SYNE2: variants seen among roughly 807,000 people sequenced by gnomAD.
SYNE2 encodes the protein spectrin repeat containing nuclear envelope protein 2.
Under a neutral mutation model 856.3 loss-of-function variants are expected in SYNE2, and 431 were observed. The observed-to-expected ratio is 0.50, with a 90% confidence interval of 0.47 to 0.55. The LOEUF (loss-of-function observed/expected upper bound fraction) is 0.55. SYNE2 is among the 20% of genes least tolerant of loss of function. The pLI is 0.00. For synonymous variants in SYNE2, 2,923 were observed against 2,872.3 expected, an observed-to-expected ratio of 1.02 and a Z score of -0.56; for missense variants, 8,129 against 8,023.2, an observed-to-expected ratio of 1.01 and a Z score of -0.50.
intron 78 of SYNE2, 101 bp from the exon 79 acceptor site, chr14:64,137,686 T>A (rs2098106110): frequency 4.2e-6 from 5 of 1,203,502 alleles, no homozygotes. Flanking sequence ...GTTACTGTTT[T>A]ATCAGTGGAC....
chr14:64,191,976 G>A (rs1204612557), intron 99 of SYNE2, among the ~76,000 whole-genome samples: 1 of 152,200 alleles, frequency 6.6e-6, no homozygotes, highest in Non-Finnish European at 1.5e-5. Flanking sequence ...TCTGCTGTGA[G>A]GATATGTGTC....
rs34440267 is a variant in SYNE2 at position 63,976,540 on chromosome 14, C to CT, written c.1129-4dup. Reference sequence around the variant, plus strand: ...GAAAAGTTCTACTGAAGAATATGTTCTTTTTTTTTTTTTTTTTTTCAGATT... The same window carrying CT: ...GAAAAGTTCTACTGAAGAATATGTTCTTTTTTTTTTTTTTTTTTTTCAGATT... On this transcript the variant is annotated intron_variant, in intron 11 of 115. Transcript: ENST00000555002. 0.078 allele frequency: 104,155 copies of CT among 1,341,932 alleles called. 266 individuals carry two copies. Among genetic ancestry groups the CT allele is most frequent in the South Asian group, 0.13 (9,894 of 75,320 alleles). The allele number at this position is 1,341,932 out of a possible 1,614,324, so 83.1% of individuals were successfully genotyped here.
chr14:64,017,727 T>C lies in SYNE2; in HGVS notation c.5020T>C (p.Leu1674=), dbSNP rs201666704. ...KALQKMELHQ[L]TEEDRERLKE... is the part of the protein sequence containing the mutation. Reference sequence around the variant, plus strand: ...CCTTCAAAAAATGGAATTACATCAATTGACTGAAGAGGACAGAGAAAGGCT... The same window carrying C: ...CCTTCAAAAAATGGAATTACATCAACTGACTGAAGAGGACAGAGAAAGGCT... The change falls in exon 34 of 116, where the codon TTG becomes CTG. Residue 1674 remains leucine, a synonymous_variant. Transcript: ENST00000555002. The C allele has an allele frequency of 1.8e-4, 290 of 1,613,742 alleles. 2 individuals are homozygous for C. The South Asian group carries it at 1.9e-3, about 11-fold the overall frequency.
At chr14:63,876,480 A>G (rs2094720853) in intron 1 of SYNE2, among the ~76,000 whole-genome samples, 1 of 141,404 alleles carries the variant, frequency 7.1e-6, no homozygotes. Context: ...AACAAGCAAC[A>G]AGCAAATATG....
In SYNE2 at chr14:64,009,535, CAAAAAAAAAA is replaced by C. The variant is rs67434536; in HGVS notation, c.4578-416_4578-407del. On this transcript the variant is annotated intron_variant, in intron 31 of 115. Coordinates refer to ENST00000555002, the MANE Select transcript of SYNE2 (RefSeq NM_182914.3). ...TGGGTGACAGAGCTAGACTCTGTCT[CAAAAAAAAAA>C]AAAAAAAAAAAAAAGAGAATAGATA... is the stretch of plus-strand genomic sequence containing the variant. Among the ~76,000 whole-genome samples, 23 of 77,440 alleles carry C rather than the reference CAAAAAAAAAA, an allele frequency of 3.0e-4. 1 individual carries two copies. In the Admixed American group the frequency reaches 3.3e-3, roughly 11 times the overall value. 50.8% of individuals were successfully genotyped at this position (77,440 alleles called of 152,430 possible).
chr14:64,217,658 G>A (rs938008044), intron 108 of SYNE2, among the ~76,000 whole-genome samples: 5 of 152,114 alleles, frequency 3.3e-5, no homozygotes, highest in African/African-American at 1.2e-4. Flanking sequence ...CTGTGATGAC[G>A]CCTGTGTTCC....
intron 77 of SYNE2, among the ~76,000 whole-genome samples, chr14:64,132,639 G>T (rs2098034274): frequency 6.6e-6 from 1 of 152,170 alleles, no homozygotes; most frequent in Non-Finnish European, 1.5e-5. Flanking sequence ...TACATAGATT[G>T]GGGATGGTAC....
chr14:63,967,113 C>T (rs2096404257), intron 10 of SYNE2, among the ~76,000 whole-genome samples: 1 of 152,148 alleles, frequency 6.6e-6, no homozygotes, highest in Non-Finnish European at 1.5e-5. Context: ...ATCCACCCAC[C>T]TCTGCCTCCC....
intron 11 of SYNE2, among the ~76,000 whole-genome samples, chr14:63,976,296 T>C (rs1031475293): frequency 1.9e-4 from 29 of 152,212 alleles, no homozygotes; most frequent in African/African-American, 7.0e-4. Context: ...CTCCATATCT[T>C]ATTGTGGATT....
Position 63,996,988 on chromosome 14 carries a change from C to A in SYNE2, c.2982C>A (p.His994Gln), listed in dbSNP as rs1278857159. The A allele has an allele frequency of 6.2e-7, 1 of 1,614,000 alleles. No homozygotes were observed. Among genetic ancestry groups the A allele is most frequent in the East Asian group, 2.2e-5 (1 of 44,902 alleles). ...AAGGCTGCCTGTACCAGCTTAATCA[C>A]CACATGGAAGTCCTGAGGGAGCTGT... The part of the protein sequence containing the change: ...SEEGCLYQLN[H>Q]HMEVLRELCE... The change falls in exon 24 of 116, where the codon CAC becomes CAA. Residue 994 changes from histidine (H) to glutamine (Q), a missense_variant. His to Gln is a conservative substitution (Grantham distance 24). This residue lies in a region of SYNE2 where 2,422 missense variants were observed against 2,357.4 expected (regional missense o/e 1.03). Transcript: ENST00000555002.
chr14:64,072,721 G>A (rs777172931), intron 52 of SYNE2, among the ~76,000 whole-genome samples: 37 of 152,098 alleles, frequency 2.4e-4, no homozygotes, highest in Admixed American at 1.6e-3. Context: ...GGGTGGTCTC[G>A]AACGCCTGAC....
At chr14:64,191,494 A>G (rs1429808196) in intron 99 of SYNE2, among the ~76,000 whole-genome samples, 7 of 152,184 alleles carry the variant, frequency 4.6e-5, no homozygotes, top group Non-Finnish European at 1.0e-4. Flanking sequence ...AGACACATAC[A>G]TTGAGAGCAA....
At chr14:64,114,734 C>T (rs1046560685) in intron 66 of SYNE2, among the ~76,000 whole-genome samples, 2 of 151,980 alleles carry the variant, frequency 1.3e-5, no homozygotes, top group African/African-American at 4.8e-5. Flanking sequence ...CCTCCCACCT[C>T]AGCTTCCTGG....
Position 64,225,712 on chromosome 14 carries a change from G to A in SYNE2, c.*186G>A. The A allele has an allele frequency of 2.9e-6, 2 of 679,734 alleles. No homozygotes were observed. Among genetic ancestry groups the A allele is most frequent in the South Asian group, 3.4e-5 (2 of 59,124 alleles). 42.1% of individuals were successfully genotyped at this position (679,734 alleles called of 1,614,324 possible). Reference sequence around the variant, plus strand: ...AGCTTTCAGATTGTGTTCCTCCCCAGGAGCAGGGAACCTGTGTGGCAGGTG... The same window carrying A: ...AGCTTTCAGATTGTGTTCCTCCCCAAGAGCAGGGAACCTGTGTGGCAGGTG... On this transcript the variant is annotated 3_prime_UTR_variant, in exon 116 of 116. Coordinates refer to ENST00000555002, the MANE Select transcript of SYNE2 (RefSeq NM_182914.3).
rs1385867519 is a variant in SYNE2, at chr14:64,146,104, G to C, written c.15520G>C (p.Glu5174Gln). The change falls in exon 84 of 116, where the codon GAG becomes CAG. Residue 5174 changes from glutamate to glutamine, a missense_variant. Transcript: ENST00000555002. ...HLEQLLESIT[E>Q]SENKIQILNN... ...AGAACAACTTCTAGAAAGTATCACTGAGAGTGAAAATAAAATACAGATCTT... is the reference window on the plus strand; with the variant it reads ...AGAACAACTTCTAGAAAGTATCACTCAGAGTGAAAATAAAATACAGATCTT... 2 of 1,596,750 alleles carry C rather than the reference G, an allele frequency of 1.3e-6. No homozygotes were observed. The highest frequency in any genetic ancestry group is 1.7e-5 in the Admixed American group (1 of 58,514).
intron 100 of SYNE2, 99 bp downstream of exon 100, chr14:64,203,062 A>G: frequency 6.9e-6 from 10 of 1,455,806 alleles, no homozygotes; most frequent in Non-Finnish European, 9.4e-6. Context: ...ACGTGCTCAC[A>G]TTCCATAACA....
In SYNE2 at chr14:64,121,187, C is replaced by T. The variant is rs146761235; in HGVS notation, c.13158+126C>T. 1,843 of 1,328,234 alleles carry T rather than the reference C, an allele frequency of 1.4e-3. 16 individuals are homozygous for T. In the African/African-American group the frequency reaches 0.02, roughly 14 times the overall value. The allele number at this position is 1,328,234 out of a possible 1,614,324, so 82.3% of individuals were successfully genotyped here. ...GGAGGATCACCTGTGGCCAGGTGTT[C>T]GAGGCCAGCCTGGGCAACATAGCGA... On this transcript the variant is annotated intron_variant, in intron 68 of 115. Coordinates refer to ENST00000555002, the MANE Select transcript of SYNE2 (RefSeq NM_182914.3).
intron 19 of SYNE2, among the ~76,000 whole-genome samples, chr14:63,989,971 A>G (rs2096654912): frequency 6.6e-6 from 1 of 152,068 alleles, no homozygotes; most frequent in Non-Finnish European, 1.5e-5. Context: ...TTTATGGATA[A>G]TGTCTTCTTT....
chr14:63,837,918 CAAAAAAAAAAA>C (rs34952817), intron 1 of SYNE2, among the ~76,000 whole-genome samples: 36 of 62,194 alleles, frequency 5.8e-4, no homozygotes, highest in Admixed American at 1.2e-3. Flanking sequence ...GACTCTGTTT[CAAAAAAAAAAA>C]AAAAAAAAAA....
Sources: gnomAD v4.1 joint callset for allele counts (sites outside exome capture counted in the v4.1 genomes callset) on GRCh38, gnomAD v4.1.1 for gene constraint, gnomAD v4.1.1 regional missense constraint, MANE v1.5 for transcripts, NCBI Gene and HGNC (gene_info 2026-07-23, HGNC 2026-07-21) for gene names.